The following NEBL variants were observed in gnomAD, a reference collection of about 807,000 sequenced individuals.
NEBL encodes the protein nebulette.
In NEBL, 122 loss-of-function variants were observed where a neutral mutation model predicts 140.2. The observed-to-expected ratio is 0.87, with a 90% CI of 0.75 to 1.01. NEBL has a LOEUF of 1.01. Among genes scored for constraint, NEBL ranks in the 50% least tolerant of loss-of-function variants. NEBL has a pLI of 0.00. For synonymous variants in NEBL, 436 were observed against 398.9 expected (o/e 1.09, Z -1.11); for missense variants, 1,365 against 1,231.3 (o/e 1.11, Z -1.62).
chr10:20,880,946 T>A, intron 4 of NEBL, 42 bp from the exon 5 acceptor site: 1 of 1,493,062 alleles, frequency 6.7e-7, no homozygotes, highest in South Asian at 1.1e-5. Context: ...TAGAGGCATA[T>A]AAATTCTTGC....
chr10:20,939,264 A>G (rs1834696727), intron 4 of NEBL, among the ~76,000 whole-genome samples: 1 of 152,268 alleles, frequency 6.6e-6, no homozygotes, highest in Non-Finnish European at 1.5e-5. Flanking sequence ...GCCAGAAGAG[A>G]GTGGGGGCCA....
At chr10:21,261,804 A>G (rs886618233) in intron 1 of NEBL, among the ~76,000 whole-genome samples, 1 of 152,176 alleles carries the variant, frequency 6.6e-6, no homozygotes, top group Non-Finnish European at 1.5e-5. Flanking sequence ...CCTTTAAAAT[A>G]AAGAGATAGG....
At chr10:20,994,890 G>A (rs1173063695) in intron 3 of NEBL, among the ~76,000 whole-genome samples, 2 of 152,104 alleles carry the variant, frequency 1.3e-5, no homozygotes, top group South Asian at 2.1e-4. Flanking sequence ...GTAGAGGGGG[G>A]GGTTGGTCTT....
chr10:21,053,709 G>A (rs189648650), intron 2 of NEBL, among the ~76,000 whole-genome samples: 88 of 152,184 alleles, frequency 5.8e-4, no homozygotes, highest in Non-Finnish European at 7.4e-4. Context: ...ATGAAGGGTC[G>A]CGTGTGAGTG....
intron 4 of NEBL, among the ~76,000 whole-genome samples, chr10:20,908,530 G>T (rs2131454750): frequency 6.6e-6 from 1 of 152,312 alleles, no homozygotes; most frequent in South Asian, 2.1e-4. Flanking sequence ...AACCTAATTT[G>T]AGGAGCTTTT....
intron 4 of NEBL, among the ~76,000 whole-genome samples, chr10:20,953,435 T>A (rs1835604197): frequency 6.6e-6 from 1 of 151,812 alleles, no homozygotes; most frequent in Non-Finnish European, 1.5e-5. Flanking sequence ...GTGAGAAAAA[T>A]TTCTGTCGCT....
chr10:21,196,768 T>C (rs909766561), intron 3 of NEBL, among the ~76,000 whole-genome samples: 2 of 152,344 alleles, frequency 1.3e-5, no homozygotes, highest in Admixed American at 6.5e-5. Flanking sequence ...TTCTGAACAA[T>C]TCATTTGACA....
At chr10:20,831,645 G>A (rs550394807) in intron 14 of NEBL, 62 bp from the exon 15 acceptor site, 41 of 1,080,114 alleles carry the variant, frequency 3.8e-5, no homozygotes, top group African/African-American at 1.4e-4. Flanking sequence ...CTCAAAAATC[G>A]AGATGTCATT....
chr10:21,035,246 C>A (rs1264468030), intron 2 of NEBL, among the ~76,000 whole-genome samples: 4 of 152,178 alleles, frequency 2.6e-5, no homozygotes, highest in African/African-American at 9.7e-5. Context: ...GATCTGCCCG[C>A]TTCGGCCTCC....
chr10:20,823,361 G>T, intron 18 of NEBL, 61 bp from the exon 19 acceptor site: 1 of 1,237,932 alleles, frequency 8.1e-7, no homozygotes, highest in South Asian at 1.3e-5. Flanking sequence ...AAAATATTGA[G>T]AATTCTTCAA....
chr10:20,809,734 C>T, intron 25 of NEBL, 72 bp downstream of exon 25: 1 of 1,204,538 alleles, frequency 8.3e-7, no homozygotes, highest in Non-Finnish European at 1.2e-6. Context: ...TACAATGAAC[C>T]TCTACAGTTC....
At chr10:20,828,243 T>G (rs916789751) in intron 17 of NEBL, among the ~76,000 whole-genome samples, 1 of 152,126 alleles carries the variant, frequency 6.6e-6, no homozygotes, top group African/African-American at 2.4e-5. Flanking sequence ...CAAAGTAAAA[T>G]CTGTGTAGAA....
chr10:21,242,109 G>A (rs1842447559), intron 3 of NEBL, among the ~76,000 whole-genome samples: 1 of 152,158 alleles, frequency 6.6e-6, no homozygotes, highest in South Asian at 2.1e-4. Context: ...AGCTAAGATG[G>A]GAGAATCACT....
exon 4 of NEBL, chr10:20,961,769 T>C (rs201889441): frequency 6.2e-7 from 1 of 1,613,220 alleles, no homozygotes; most frequent in Non-Finnish European, 8.5e-7. Flanking sequence ...AAAATCTCTT[T>C]TGTACTTGAC....
intron 2 of NEBL, among the ~76,000 whole-genome samples, chr10:20,892,088 A>C (rs1340686886): frequency 6.6e-6 from 1 of 152,182 alleles, no homozygotes; most frequent in African/African-American, 2.4e-5. Flanking sequence ...TATTGGATAG[A>C]CTGGCCACTC....
intron 2 of NEBL, among the ~76,000 whole-genome samples, chr10:21,040,169 C>A (rs1000207994): frequency 2.0e-5 from 3 of 152,010 alleles, no homozygotes; most frequent in African/African-American, 4.8e-5. Flanking sequence ...AGATTGAGAC[C>A]ATCCTGGCCA....
At chr10:21,156,200 A>G (rs547368937) in intron 2 of NEBL, among the ~76,000 whole-genome samples, 58 of 152,364 alleles carry the variant, frequency 3.8e-4, no homozygotes, top group African/African-American at 1.4e-3. Flanking sequence ...TGCGAGAAGT[A>G]GCTTTGCCCT....
chr10:21,263,558 A>T (rs1376942729), intron 1 of NEBL, among the ~76,000 whole-genome samples: 2 of 152,150 alleles, frequency 1.3e-5, no homozygotes, highest in African/African-American at 2.4e-5. Context: ...GTGCTCTCCT[A>T]TCTCCCCGGG....
rs542506196 is a variant in NEBL, at chr10:20,850,281, G to C, written c.1116+114C>G. 10 of 862,192 alleles carry C rather than the reference G, an allele frequency of 1.2e-5. No homozygotes were observed. The East Asian group carries it at 2.5e-4, about 21-fold the overall frequency. The allele number at this position is 862,192 out of a possible 1,614,324, so 53.4% of individuals were successfully genotyped here. ...GGCTGGGTCTAGAAAGCAGGTCCTT[G>C]AATCTGCCCACAGCAGCACTCTTCC... is the stretch of plus-strand genomic sequence containing the variant. On this transcript the variant is annotated intron_variant, in intron 11 of 27. Transcript: ENST00000377122.
Sources: allele counts gnomAD v4.1 joint callset (sites outside exome capture counted in the v4.1 genomes callset), GRCh38; gene constraint gnomAD v4.1.1; transcripts MANE v1.5; gene names NCBI Gene and HGNC (gene_info 2026-07-23, HGNC 2026-07-21).